Variants in ITGA6 observed in about 807,000 individuals in gnomAD.
ITGA6 encodes integrin subunit alpha 6.
ITGA6 carries 63 observed loss-of-function variants against 133.6 expected under a neutral mutation model. The observed-to-expected ratio is 0.47, with a 90% CI of 0.38 to 0.58. The LOEUF is 0.58. ITGA6 is among the 20% of genes least tolerant of loss of function. The pLI is 0.00. For missense variants in ITGA6, 1,068 were observed against 1,309.4 expected (o/e 0.82, Z 2.85); for synonymous variants, 434 against 482.0 (o/e 0.90, Z 1.30).
At chr2:172,458,559 C>G (rs1179264714) in intron 1 of ITGA6, among the ~76,000 whole-genome samples, 1 of 152,182 alleles carries the variant, frequency 6.6e-6, no homozygotes, top group Non-Finnish European at 1.5e-5. Flanking sequence ...AGTCTGATAA[C>G]TAGCTGGCTA....
At chr2:172,470,885 G>A in intron 4 of ITGA6, 89 bp from the exon 5 acceptor site, 1 of 1,380,500 alleles carries the variant, frequency 7.2e-7, no homozygotes. Context: ...TGTAACTAGT[G>A]ATAGCATGGG....
chr2:172,479,788 A>C (rs1456413656), intron 10 of ITGA6, 49 bp downstream of exon 10: 3 of 1,494,784 alleles, frequency 2.0e-6, no homozygotes. Flanking sequence ...TCCCACCTCC[A>C]CTTCATGATG....
chr2:172,476,555 C>T (rs1379220282), intron 9 of ITGA6, 42 bp downstream of exon 9: 1 of 1,145,722 alleles, frequency 8.7e-7, no homozygotes, highest in Non-Finnish European at 1.3e-6. Context: ...GTTCTATAAT[C>T]AGGTTATACT....
intron 24 of ITGA6, among the ~76,000 whole-genome samples, chr2:172,499,597 A>G (rs555806133): frequency 1.3e-5 from 2 of 152,328 alleles, no homozygotes; most frequent in South Asian, 2.1e-4. Flanking sequence ...CCTGGGCTCA[A>G]GCAATCCTCC....
chr2:172,454,835 G>A (rs553405032), intron 1 of ITGA6, among the ~76,000 whole-genome samples: 148 of 152,290 alleles, frequency 9.7e-4, no homozygotes, highest in Non-Finnish European at 1.6e-3. Flanking sequence ...ATGCTCGCCC[G>A]CTGGCTTTAC....
chr2:172,465,987 GT>G, intron 2 of ITGA6: 1 of 411,580 alleles, frequency 2.4e-6, no homozygotes, highest in Non-Finnish European at 4.5e-6. Flanking sequence ...ATGAATGAGC[GT>G]ATCTTGTATT....
At chr2:172,429,704 A>G (rs1006006868) in intron 1 of ITGA6, among the ~76,000 whole-genome samples, 1 of 152,168 alleles carries the variant, frequency 6.6e-6, no homozygotes, top group Non-Finnish European at 1.5e-5. Context: ...ATAAGCCTGC[A>G]ATGGGGTCTG....
At chr2:172,451,779 A>G (rs1238060069) in intron 1 of ITGA6, among the ~76,000 whole-genome samples, 2 of 152,052 alleles carry the variant, frequency 1.3e-5, no homozygotes, top group East Asian at 1.9e-4. Flanking sequence ...ACATCCATCT[A>G]CCTTGCTGTC....
chr2:172,432,992 G>A (rs1190590999), intron 1 of ITGA6, among the ~76,000 whole-genome samples: 1 of 152,224 alleles, frequency 6.6e-6, no homozygotes, highest in Admixed American at 6.5e-5. Flanking sequence ...CTTTCGGTAG[G>A]ATGGTGGGAA....
chr2:172,437,404 G>A (rs1205499365), intron 1 of ITGA6, among the ~76,000 whole-genome samples: 1 of 152,202 alleles, frequency 6.6e-6, no homozygotes, highest in Non-Finnish European at 1.5e-5. Context: ...TGAAAGTAGA[G>A]TCAACAGGAT....
chr2:172,444,927 T>C (rs1457544956), intron 1 of ITGA6, among the ~76,000 whole-genome samples: 2 of 151,834 alleles, frequency 1.3e-5, no homozygotes, highest in Non-Finnish European at 2.9e-5. Context: ...TATTAAACAA[T>C]GTAAGCGTTT....
At chr2:172,480,082 A>T (rs374836942) in intron 11 of ITGA6, 31 bp downstream of exon 11, 2 of 1,268,340 alleles carry the variant, frequency 1.6e-6, no homozygotes, top group Non-Finnish European at 2.3e-6. Context: ...AAATATGTCT[A>T]CTTTCTGTCT....
At chr2:172,430,141 T>G (rs1165930419) in intron 1 of ITGA6, among the ~76,000 whole-genome samples, 1 of 152,234 alleles carries the variant, frequency 6.6e-6, no homozygotes, top group Non-Finnish European at 1.5e-5. Flanking sequence ...TTTAATTTCT[T>G]TATCTGTAAA....
At chr2:172,440,236 AGTTTT>A (rs1019413681) in intron 1 of ITGA6, among the ~76,000 whole-genome samples, 1 of 152,240 alleles carries the variant, frequency 6.6e-6, no homozygotes, top group African/African-American at 2.4e-5. Context: ...CATCTTGTTC[AGTTTT>A]GGTTCAAATC....
In ITGA6 at chr2:172,480,066, C is replaced by T; in HGVS notation, c.1549+15C>T. Reference sequence around the variant, plus strand: ...TCCTTCAATATGTAAGTACCTAGTACCTTTAAAATATGTCTACTTTCTGTC... The same window carrying T: ...TCCTTCAATATGTAAGTACCTAGTATCTTTAAAATATGTCTACTTTCTGTC... On this transcript the variant is annotated intron_variant, in intron 11 of 25. Coordinates refer to ENST00000684293, the MANE Select transcript of ITGA6 (RefSeq NM_000210.4). 1 of 1,421,954 alleles carries T rather than the reference C, an allele frequency of 7.0e-7. No individual in the cohort carries two copies. Among genetic ancestry groups the T allele is most frequent in the Non-Finnish European group, 9.9e-7 (1 of 1,005,182 alleles). 88.1% of individuals were successfully genotyped at this position (1,421,954 alleles called of 1,614,324 possible). A position where few individuals can be genotyped will look rare whatever the true frequency, so the allele number is the denominator to read the frequency against.
chr2:172,497,856 C>T, intron 23 of ITGA6, 119 bp from the exon 24 acceptor site: 1 of 958,824 alleles, frequency 1.0e-6, no homozygotes, highest in Non-Finnish European at 1.7e-6. Flanking sequence ...AAAGTCATCT[C>T]ATCCATTCAC....
chr2:172,455,051 A>G (rs951115465), intron 1 of ITGA6, among the ~76,000 whole-genome samples: 3 of 152,244 alleles, frequency 2.0e-5, no homozygotes, highest in Non-Finnish European at 4.4e-5. Context: ...TACAACCTTT[A>G]GGAAGGAATG....
chr2:172,469,166 G>T lies in ITGA6; in HGVS notation c.429G>T (p.Thr143=), dbSNP rs140628012. 2.5e-6 allele frequency: 4 copies of T among 1,614,014 alleles called. No homozygotes were observed. Among genetic ancestry groups the T allele is most frequent in the Non-Finnish European group, 2.5e-6 (3 of 1,180,014 alleles). ...ATGAAAAAAGGCAGCATGTTAATAC[G>T]AAGCAGGAATCCCGAGACATCTTTG... ...HRYEKRQHVN[T]KQESRDIFGR... The change falls in exon 4 of 26, where the codon ACG becomes ACT. Residue 143 remains threonine, a synonymous_variant. Coordinates refer to ENST00000684293, the MANE Select transcript of ITGA6 (RefSeq NM_000210.4).
At chr2:172,487,666 T>C (rs762910737) in intron 16 of ITGA6, 36 bp downstream of exon 16, 7 of 1,600,312 alleles carry the variant, frequency 4.4e-6, no homozygotes, top group African/African-American at 2.7e-5. Context: ...TTTTACTGTT[T>C]TAAATACCAT....
Sources: gnomAD v4.1 joint callset for allele counts (sites outside exome capture counted in the v4.1 genomes callset) on GRCh38, gnomAD v4.1.1 for gene constraint, MANE v1.5 for transcripts, NCBI Gene and HGNC (gene_info 2026-07-23, HGNC 2026-07-21) for gene names.